ABI3BP: variants seen among roughly 807,000 people sequenced by gnomAD.
The protein encoded by ABI3BP is target of Nesh-SH3.
ABI3BP carries 216 observed loss-of-function variants against 268.6 expected under a neutral mutation model. The ratio of observed to expected loss-of-function variants is 0.80; its 90% CI spans 0.72 to 0.90. The LOEUF is 0.90. Among genes scored for constraint, ABI3BP ranks in the 40% least tolerant of loss-of-function variants. The probability of loss-of-function intolerance (pLI) is 0.00; values close to 1 mark genes in which losing one functional copy is unlikely to be tolerated. For synonymous variants in ABI3BP, 730 were observed against 730.0 expected (o/e 1.00, Z 0.00); for missense variants, 2,090 against 2,182.4 (o/e 0.96, Z 0.84).
chr3:100,867,913 A>G (rs2099070602), intron 9 of ABI3BP, among the ~76,000 whole-genome samples: 1 of 152,198 alleles, frequency 6.6e-6, no homozygotes, highest in African/African-American at 2.4e-5. Flanking sequence ...TTCATTTTAA[A>G]ATGTAGATGT....
chr3:100,891,836 G>T (rs1045307704), intron 4 of ABI3BP, among the ~76,000 whole-genome samples: 1 of 152,212 alleles, frequency 6.6e-6, no homozygotes, highest in Non-Finnish European at 1.5e-5. Flanking sequence ...GTGGTATTCT[G>T]CAGTTTCAAA....
At position 100,866,872 on chromosome 3, in the gene ABI3BP, T is replaced by C. The variant is rs764935601; in HGVS notation, c.988+7A>G. 2.5e-6 allele frequency: 4 copies of C among 1,612,058 alleles called. No homozygotes were observed. Among genetic ancestry groups the C allele is most frequent in the Non-Finnish European group, 3.4e-6 (4 of 1,178,598 alleles). ...TCTCAAGGTCAACAACATAGCGATC[T>C]CATTACCTGTTGTGGGTCGTGCTGA... On this transcript the variant is annotated splice_region_variant and intron_variant, in intron 10 of 67. Transcript: ENST00000471714.
At chr3:100,954,873 G>A (rs2153790288) in intron 1 of ABI3BP, among the ~76,000 whole-genome samples, 1 of 151,844 alleles carries the variant, frequency 6.6e-6, no homozygotes, top group Middle Eastern at 3.4e-3. Flanking sequence ...CATGGAAAAT[G>A]CCTATTAGCA....
At chr3:100,923,552 C>A (rs965265893) in intron 2 of ABI3BP, among the ~76,000 whole-genome samples, 1 of 152,060 alleles carries the variant, frequency 6.6e-6, no homozygotes, top group Non-Finnish European at 1.5e-5. Flanking sequence ...TTCTTATTGG[C>A]CCTAAAACCC....
chr3:100,922,627 C>T (rs1177487932), intron 2 of ABI3BP, among the ~76,000 whole-genome samples: 1 of 152,002 alleles, frequency 6.6e-6, no homozygotes, highest in African/African-American at 2.4e-5. Flanking sequence ...GCTTGACCCA[C>T]TGTTGTTGAC....
At chr3:100,869,330 G>GTTTTTTGTTTTTTTTTTTTTTTTTT (rs2099085664) in intron 9 of ABI3BP, among the ~76,000 whole-genome samples, 2 of 49,762 alleles carry the variant, frequency 4.0e-5, no homozygotes, top group East Asian at 1.5e-3. Flanking sequence ...CTTCTTTTTG[G>GTTTTTTGTTTTTTTTTTTTTTTTTT]TTTTTTTTTT....
chr3:100,855,371 C>A (rs986437755), intron 14 of ABI3BP, among the ~76,000 whole-genome samples: 4 of 152,220 alleles, frequency 2.6e-5, no homozygotes, highest in Admixed American at 6.5e-5. Flanking sequence ...AAGACTTTAT[C>A]TTATTCAAAT....
intron 1 of ABI3BP, chr3:100,930,605 G>A (rs997947909): frequency 2.6e-5 from 4 of 151,960 alleles, no homozygotes; most frequent in Non-Finnish European, 5.9e-5. Flanking sequence ...TAGAAGAAAT[G>A]GATAAATTAC....
At position 100,932,571 on chromosome 3, in the gene ABI3BP, C is replaced by T. The variant is rs151001124; in HGVS notation, c.80-6090G>A. On this transcript the variant is annotated intron_variant, in intron 1 of 67. Transcript: ENST00000471714. ...CAGACACTTCTCAAAAGAAGACATA[C>T]GTGTGGCCAACAAGCACATGAAAAA... is the stretch of plus-strand genomic sequence containing the variant. 1.5e-3 allele frequency among the ~76,000 whole-genome samples: 225 copies of T among 152,160 alleles called. No individual in the cohort carries two copies. The South Asian group carries it at 0.017, about 11-fold the overall frequency.
At chr3:100,782,351 T>G (rs1290664164) in intron 57 of ABI3BP, among the ~76,000 whole-genome samples, 3 of 152,194 alleles carry the variant, frequency 2.0e-5, no homozygotes, top group Non-Finnish European at 4.4e-5. Flanking sequence ...CCCTCTTTTT[T>G]TTTTATCCAG....
chr3:100,818,851 T>G (rs969049233), intron 40 of ABI3BP, among the ~76,000 whole-genome samples: 1 of 152,226 alleles, frequency 6.6e-6, no homozygotes, highest in Non-Finnish European at 1.5e-5. Flanking sequence ...TGTAGAAGAC[T>G]GCCCTAGAAG....
intron 49 of ABI3BP, 40 bp from the exon 50 acceptor site, chr3:100,808,275 C>T: frequency 5.4e-6 from 8 of 1,489,350 alleles, no homozygotes; most frequent in Non-Finnish European, 7.3e-6. Context: ...TTGAGCCCTT[C>T]AAGAATGACA....
chr3:100,859,796 G>A (rs1263393471), intron 14 of ABI3BP, among the ~76,000 whole-genome samples: 3 of 152,172 alleles, frequency 2.0e-5, no homozygotes, highest in African/African-American at 7.2e-5. Flanking sequence ...AATCAAGCTT[G>A]TATTGATTTG....
intron 59 of ABI3BP, among the ~76,000 whole-genome samples, 186 bp from the exon 60 acceptor site, chr3:100,775,521 A>G (rs186979928): frequency 6.6e-6 from 1 of 152,204 alleles, no homozygotes; most frequent in African/African-American, 2.4e-5. Context: ...ATATCAGAGC[A>G]TTATTATAGA....
chr3:100,826,110 T>G (rs2098379050), intron 34 of ABI3BP, among the ~76,000 whole-genome samples: 1 of 151,942 alleles, frequency 6.6e-6, no homozygotes, highest in African/African-American at 2.4e-5. Context: ...TCAACAGGAC[T>G]GATGGACTCA....
chr3:100,850,676 C>G lies in ABI3BP; in HGVS notation c.1410G>C (p.Gln470His), dbSNP rs372017207. The change falls in exon 16 of 68, where the codon CAG becomes CAC. Residue 470 changes from glutamine (Q) to histidine (H), a missense_variant. Transcript: ENST00000471714. ...AAACATTACCCAGTGTTGCCCTTGG[C>G]TGTTCAAGAGTTCTAGAAGTTTTAG... ...IPPKTSRTLE[Q>H]PRATLAPSET... 3 of 1,612,100 alleles carry G rather than the reference C, an allele frequency of 1.9e-6. No homozygotes were observed. Among genetic ancestry groups the G allele is most frequent in the Non-Finnish European group, 2.5e-6 (3 of 1,178,534 alleles).
intron 2 of ABI3BP, among the ~76,000 whole-genome samples, chr3:100,914,681 G>A (rs753200973): frequency 3.3e-5 from 5 of 152,206 alleles, no homozygotes; most frequent in Non-Finnish European, 7.3e-5. Context: ...GCATTGATTG[G>A]AAGAGAGGAT....
intron 4 of ABI3BP, among the ~76,000 whole-genome samples, chr3:100,893,762 CTT>C (rs1463093663): frequency 1.3e-5 from 2 of 152,118 alleles, no homozygotes. Context: ...GGGAGAGAAA[CTT>C]TGAGCATGCT....
chr3:100,839,436 C>G, intron 24 of ABI3BP, 133 bp downstream of exon 24: 2 of 969,662 alleles, frequency 2.1e-6, no homozygotes, highest in South Asian at 2.8e-5. Context: ...CAGACCCAGA[C>G]AGGAAAGGTG....
Sources: gnomAD v4.1 joint callset for allele counts (sites outside exome capture counted in the v4.1 genomes callset) on GRCh38, gnomAD v4.1.1 for gene constraint, MANE v1.5 for transcripts, NCBI Gene and HGNC (gene_info 2026-07-23, HGNC 2026-07-21) for gene names.